UNC13B: variants seen among roughly 807,000 people sequenced by gnomAD.
UNC13B encodes the protein protein unc-13 homolog B.
Under a neutral mutation model 211.0 loss-of-function variants are expected in UNC13B, and 144 were observed. The ratio of observed to expected loss-of-function variants is 0.68; its 90% CI spans 0.60 to 0.78. The LOEUF (loss-of-function observed/expected upper bound fraction) is 0.78. Among genes scored for constraint, UNC13B ranks in the 30% least tolerant of loss-of-function variants. The probability of loss-of-function intolerance (pLI) is 0.00; values close to 1 mark genes in which losing one functional copy is unlikely to be tolerated. For synonymous variants in UNC13B, 709 were observed against 725.8 expected, an observed-to-expected ratio of 0.98 and a Z score of 0.37; for missense variants, 1,777 against 2,002.0, an observed-to-expected ratio of 0.89 and a Z score of 2.14.
chr9:35,286,593 C>T (rs1455836917), intron 7 of UNC13B, among the ~76,000 whole-genome samples: 1 of 151,988 alleles, frequency 6.6e-6, no homozygotes, highest in African/African-American at 2.4e-5. Flanking sequence ...GGCACAGTGG[C>T]TCCTGTCTGT....
In UNC13B at chr9:35,295,262, A is replaced by T. The variant is rs554571669; in HGVS notation, c.527-434A>T. On this transcript the variant is annotated intron_variant, in intron 7 of 39. Coordinates refer to ENST00000635942, the MANE Select transcript of UNC13B (RefSeq NM_001371189.2). ...AAAACACCAAGACAACGTTAAATAA[A>T]AGTTTTGGGGTTTTTTTCCCCAAGA... Among the ~76,000 whole-genome samples the T allele has an allele frequency of 5.3e-5, 8 of 152,304 alleles. No individual in the cohort carries two copies. The East Asian group carries it at 1.5e-3, about 29-fold the overall frequency.
In UNC13B at chr9:35,328,650, TCCTTCCTTCCTTCCTCCCTC is replaced by T. The variant is rs1400301683; in HGVS notation, c.9414+14672_9414+14691del. ...TTCCTTCCTTCCTTCCTTCCTTCCT[TCCTTCCTTCCTTCCTCCCTC>T]CCTTCCTTCCCTTCCCTTTCTTCCT... On this transcript the variant is annotated intron_variant, in intron 11 of 39. Transcript: ENST00000635942. 8.2e-3 allele frequency among the ~76,000 whole-genome samples: 766 copies of T among 93,768 alleles called. 22 individuals are homozygous for T. The highest frequency in any genetic ancestry group is 0.03 in the African/African-American group (669 of 21,942). 61.5% of individuals were successfully genotyped at this position (93,768 alleles called of 152,430 possible). A position where few individuals can be genotyped will look rare whatever the true frequency, so the allele number is the denominator to read the frequency against.
At chr9:35,240,654 G>GT (rs1173631068) in intron 5 of UNC13B, among the ~76,000 whole-genome samples, 23 of 151,808 alleles carry the variant, frequency 1.5e-4, no homozygotes, top group Middle Eastern at 6.8e-3. Context: ...TTAAATCGTT[G>GT]TTTTTTTAAT....
chr9:35,314,823 C>T (rs1017320642), intron 11 of UNC13B, among the ~76,000 whole-genome samples: 3 of 141,340 alleles, frequency 2.1e-5, no homozygotes, highest in Non-Finnish European at 4.6e-5. Context: ...ATATACACCA[C>T]ATTTTTAAAA....
At chr9:35,198,109 G>T (rs910034937) in intron 1 of UNC13B, among the ~76,000 whole-genome samples, 1 of 152,158 alleles carries the variant, frequency 6.6e-6, no homozygotes, top group African/African-American at 2.4e-5. Flanking sequence ...CATAACATGT[G>T]TTCAAGCATA....
rs186398141 is a variant in UNC13B, at chr9:35,304,705, G to A, written c.5301G>A (p.Lys1767=). 910 of 398,894 alleles carry A rather than the reference G, an allele frequency of 2.3e-3. 5 individuals carry two copies. The highest frequency in any genetic ancestry group is 5.0e-3 in the Middle Eastern group (8 of 1,588). The allele number at this position is 398,894 out of a possible 1,614,324, so 24.7% of individuals were successfully genotyped here. A position where few individuals can be genotyped will look rare whatever the true frequency, so the allele number is the denominator to read the frequency against. The change falls in exon 9 of 40, where the codon AAG becomes AAA. Residue 1767 remains lysine (K), a synonymous_variant. Transcript: ENST00000635942. The part of the protein sequence containing the change: ...VLGASVGSTL[K]FDKSESLEAL... ...GTGCCTCAGTTGGTAGTACTTTGAA[G>A]TTTGATAAGAGTGAATCCTTAGAGG...
At chr9:35,390,738 G>C (rs1236918843) in intron 26 of UNC13B, 24 bp downstream of exon 26, 3 of 1,601,576 alleles carry the variant, frequency 1.9e-6, no homozygotes, top group Admixed American at 3.5e-5. Flanking sequence ...CAAATCAGTG[G>C]GCTGCCAGGC....
chr9:35,352,204 TCCTGAA>T (rs754809683), intron 11 of UNC13B: 2 of 1,232,162 alleles, frequency 1.6e-6, no homozygotes, highest in Non-Finnish European at 2.0e-6. Flanking sequence ...TGTACGGACT[TCCTGAA>T]CAAGATGGAG....
chr9:35,177,281 T>A, intron 1 of UNC13B, among the ~76,000 whole-genome samples: 1 of 151,892 alleles, frequency 6.6e-6, no homozygotes, highest in South Asian at 2.1e-4. Flanking sequence ...AGAGCGAAAC[T>A]CCATCTCAGA....
intron 1 of UNC13B, among the ~76,000 whole-genome samples, chr9:35,216,064 TAA>T (rs1824229057): frequency 6.6e-6 from 1 of 152,186 alleles, no homozygotes. Context: ...ATTTTAGGAA[TAA>T]AAGAGTGGTT....
chr9:35,311,008 A>G (rs1233602826), intron 10 of UNC13B, among the ~76,000 whole-genome samples: 2 of 152,132 alleles, frequency 1.3e-5, no homozygotes, highest in Non-Finnish European at 2.9e-5. Flanking sequence ...CTTTTGAGAT[A>G]GGGTCTCACT....
intron 7 of UNC13B, among the ~76,000 whole-genome samples, chr9:35,271,764 A>G (rs1189891128): frequency 2.6e-5 from 4 of 152,216 alleles, no homozygotes; most frequent in African/African-American, 4.8e-5. Context: ...CACTGTATTA[A>G]TGACAGTATC....
chr9:35,380,972 T>A, intron 18 of UNC13B, 128 bp from the exon 19 acceptor site: 5 of 823,092 alleles, frequency 6.1e-6, no homozygotes, highest in Non-Finnish European at 7.5e-6. Context: ...CCCTATTTGG[T>A]GAGTCCTTGG....
intron 38 of UNC13B, 30 bp downstream of exon 38, chr9:35,403,289 T>C: frequency 3.1e-6 from 5 of 1,611,614 alleles, no homozygotes; most frequent in Non-Finnish European, 4.2e-6. Flanking sequence ...GTCTGCCCTT[T>C]CCTTGCCCAG....
intron 11 of UNC13B, among the ~76,000 whole-genome samples, chr9:35,339,467 A>G (rs1353388556): frequency 6.6e-6 from 1 of 152,214 alleles, no homozygotes; most frequent in Non-Finnish European, 1.5e-5. Flanking sequence ...TCCTTTGGCC[A>G]TGTGGTGTCT....
chr9:35,252,920 A>G (rs1419462047), intron 6 of UNC13B, among the ~76,000 whole-genome samples: 1 of 150,446 alleles, frequency 6.6e-6, no homozygotes, highest in Non-Finnish European at 1.5e-5. Context: ...ACAGAGCGAG[A>G]CTCTGTCTCA....
At chr9:35,177,276 G>A (rs1023727832) in intron 1 of UNC13B, among the ~76,000 whole-genome samples, 7 of 152,250 alleles carry the variant, frequency 4.6e-5, no homozygotes, top group East Asian at 1.9e-4. Flanking sequence ...GTGAAAGAGC[G>A]AAACTCCATC....
chr9:35,209,709 T>C (rs1475008032), intron 1 of UNC13B, among the ~76,000 whole-genome samples: 2 of 152,244 alleles, frequency 1.3e-5, no homozygotes, highest in Non-Finnish European at 2.9e-5. Context: ...TTGGCAATGA[T>C]ATAGTTCTAT....
At chr9:35,245,974 A>C (rs944575053) in intron 6 of UNC13B, among the ~76,000 whole-genome samples, 1 of 152,200 alleles carries the variant, frequency 6.6e-6, no homozygotes, top group Non-Finnish European at 1.5e-5. Context: ...CCAACAGTGT[A>C]AAAGTGTTCC....
Sources: allele counts gnomAD v4.1 joint callset (sites outside exome capture counted in the v4.1 genomes callset), GRCh38; gene constraint gnomAD v4.1.1; transcripts MANE v1.5; gene names NCBI Gene and HGNC (gene_info 2026-07-23, HGNC 2026-07-21).